B4GALT6: variants seen among roughly 807,000 people sequenced by gnomAD.
B4GALT6 encodes UDP-Gal:beta-GlcNAc beta-1,4-galactosyltransferase 6.
B4GALT6 carries 14 observed loss-of-function variants against 46.3 expected under a neutral mutation model. The observed-to-expected ratio is 0.30, with a 90% CI of 0.20 to 0.47. B4GALT6 has a LOEUF of 0.47. Among genes scored for constraint, B4GALT6 ranks in the 20% least tolerant of loss-of-function variants. B4GALT6 has a pLI of 0.99. For missense variants in B4GALT6, 386 were observed against 480.1 expected (o/e 0.80, Z 1.83); for synonymous variants, 168 against 162.0 (o/e 1.04, Z -0.28).
chr18:31,708,382 T>C, the B4GALT6 span, among the ~76,000 whole-genome samples: 1 of 152,116 alleles, frequency 6.6e-6, no homozygotes. Flanking sequence ...TTAGCCAACA[T>C]GGTGAAACAC....
At chr18:31,647,042 A>G (rs1016207412) in intron 3 of B4GALT6, among the ~76,000 whole-genome samples, 7 of 152,256 alleles carry the variant, frequency 4.6e-5, no homozygotes, top group African/African-American at 1.4e-4. Flanking sequence ...GTAAAATGTA[A>G]GATTGATCAG....
rs2073665276 is a variant in B4GALT6, at chr18:31,624,735, T to TAAAC, written c.*875_*878dup. 6.6e-6 allele frequency: 1 copy of TAAAC among 152,308 alleles called. No homozygotes were observed. The highest frequency in any genetic ancestry group is 2.1e-4 in the South Asian group (1 of 4,828). 9.4% of individuals were successfully genotyped at this position (152,308 alleles called of 1,614,324 possible). ...GTGAATTTAAAAAAAATACACAGTATAAACACACAACCTTGGAAACATTTT... is the reference window on the plus strand; with the variant it reads ...GTGAATTTAAAAAAAATACACAGTATAAACAAACACACAACCTTGGAAACATTTT... On this transcript the variant is annotated 3_prime_UTR_variant, in exon 9 of 9. Transcript: ENST00000306851.
chr18:31,625,614 T>C lies in B4GALT6; in HGVS notation c.1149A>G (p.Ter383=). 1.2e-6 allele frequency: 2 copies of C among 1,613,628 alleles called. No homozygotes were observed. Among genetic ancestry groups the C allele is most frequent in the East Asian group, 2.2e-5 (1 of 44,852 alleles). ...MPELAPIEDY[*] Reference sequence around the variant, plus strand: ...TACCTTGCCACGACAGCCACTTCTTTTAATAGTCTTCGATTGGAGCTAACT... The same window carrying C: ...TACCTTGCCACGACAGCCACTTCTTCTAATAGTCTTCGATTGGAGCTAACT... Residue 383 remains the stop codon, a stop_retained_variant, in exon 9 of 9, where the codon TAA becomes TAG. Transcript: ENST00000306851.
At chr18:31,645,541 A>C in intron 3 of B4GALT6, 62 bp from the exon 4 acceptor site, 1 of 1,529,292 alleles carries the variant, frequency 6.5e-7, no homozygotes, top group Non-Finnish European at 8.9e-7. Context: ...CTAGTAGAAC[A>C]AATAATAATC....
chr18:31,667,839 C>CA (rs1410510758), intron 1 of B4GALT6, among the ~76,000 whole-genome samples: 1 of 152,130 alleles, frequency 6.6e-6, no homozygotes, highest in African/African-American at 2.4e-5. Flanking sequence ...AATGAAGACT[C>CA]ACGCCTGTAA....
At chr18:31,641,161 A>C (rs888307048) in intron 4 of B4GALT6, among the ~76,000 whole-genome samples, 2 of 152,250 alleles carry the variant, frequency 1.3e-5, no homozygotes, top group African/African-American at 4.8e-5. Flanking sequence ...ATATTAATTA[A>C]AGACAATTAG....
chr18:31,629,446 G>GTTTTTTTT (rs2073746542), intron 6 of B4GALT6, among the ~76,000 whole-genome samples: 1 of 35,112 alleles, frequency 2.8e-5, no homozygotes, highest in Admixed American at 3.4e-4. Flanking sequence ...TGCCCTTTAT[G>GTTTTTTTT]ATTTTTTTTT....
intron 1 of B4GALT6, among the ~76,000 whole-genome samples, chr18:31,669,107 C>G (rs973422075): frequency 6.6e-6 from 1 of 151,792 alleles, no homozygotes; most frequent in Non-Finnish European, 1.5e-5. Context: ...TGCCTGCCCT[C>G]TGCCAGAAAT....
At chr18:31,659,855 C>A (rs542424646) in intron 2 of B4GALT6, among the ~76,000 whole-genome samples, 28 of 151,988 alleles carry the variant, frequency 1.8e-4, no homozygotes, top group Non-Finnish European at 2.6e-4. Flanking sequence ...ACACTGGTAG[C>A]CCATGCTCAA....
chr18:31,634,895 T>C (rs1425889127), intron 5 of B4GALT6, among the ~76,000 whole-genome samples: 2 of 152,296 alleles, frequency 1.3e-5, no homozygotes, highest in South Asian at 4.1e-4. Context: ...CTTGCAAAGA[T>C]TGTTTCATCA....
chr18:31,635,230 A>AAAAC (rs1167769986), intron 5 of B4GALT6, among the ~76,000 whole-genome samples: 1 of 151,530 alleles, frequency 6.6e-6, no homozygotes, highest in South Asian at 2.1e-4. Context: ...ACTCCATCAC[A>AAAAC]AAACAAACAA....
the B4GALT6 span, among the ~76,000 whole-genome samples, chr18:31,694,624 G>A: frequency 2.0e-5 from 3 of 152,304 alleles, no homozygotes; most frequent in South Asian, 6.2e-4. Flanking sequence ...TTTGTTCACA[G>A]GATATTTGCA....
upstream of B4GALT6, chr18:31,685,570 C>G (rs1013874793): frequency 5.3e-5 from 8 of 152,324 alleles, no homozygotes; most frequent in Non-Finnish European, 7.4e-5. Flanking sequence ...CAGCAGCCCC[C>G]TCCCCGCGCC....
chr18:31,701,514 T>C, the B4GALT6 span, among the ~76,000 whole-genome samples: 2 of 152,150 alleles, frequency 1.3e-5, no homozygotes, highest in Admixed American at 1.3e-4. Flanking sequence ...AAAAGTGGCA[T>C]TTTTTTCAAG....
chr18:31,661,585 T>C (rs1598909925), intron 2 of B4GALT6, among the ~76,000 whole-genome samples: 2 of 152,196 alleles, frequency 1.3e-5, no homozygotes, highest in African/African-American at 2.4e-5. Flanking sequence ...TAGCTTTTGT[T>C]GCACATACCA....
At chr18:31,711,385 T>C in the B4GALT6 span, among the ~76,000 whole-genome samples, 1 of 152,184 alleles carries the variant, frequency 6.6e-6, no homozygotes, top group African/African-American at 2.4e-5. Flanking sequence ...AATAGTTATA[T>C]TTTCTGCTCC....
chr18:31,702,608 G>T, the B4GALT6 span, among the ~76,000 whole-genome samples: 13 of 152,262 alleles, frequency 8.5e-5, no homozygotes, highest in East Asian at 2.5e-3. Flanking sequence ...TATAAGTTCT[G>T]GGTGGGGTGC....
At chr18:31,709,141 C>T in the B4GALT6 span, among the ~76,000 whole-genome samples, 1 of 152,100 alleles carries the variant, frequency 6.6e-6, no homozygotes, top group Non-Finnish European at 1.5e-5. Context: ...TCAGGTCTAT[C>T]ATTCTTTAAT....
chr18:31,668,420 C>T (rs1253469178), intron 1 of B4GALT6, among the ~76,000 whole-genome samples: 1 of 152,088 alleles, frequency 6.6e-6, no homozygotes, highest in Admixed American at 6.5e-5. Context: ...ATGCAATATA[C>T]CCATGTAACA....
Sources: gnomAD v4.1 joint callset for allele counts (sites outside exome capture counted in the v4.1 genomes callset) on GRCh38, gnomAD v4.1.1 for gene constraint, MANE v1.5 for transcripts, NCBI Gene and HGNC (gene_info 2026-07-23, HGNC 2026-07-21) for gene names.